Variants in CRAMP1 observed in about 807,000 individuals in gnomAD.
CRAMP1 encodes cramped chromatin regulator 1, also known as protein cramped-like.
A neutral mutation model predicts 115.4 loss-of-function variants in CRAMP1; 50 were observed. The ratio of observed to expected loss-of-function variants is 0.43; its 90% CI spans 0.35 to 0.55. CRAMP1 has a LOEUF of 0.55. CRAMP1 is among the 20% of genes least tolerant of loss of function. CRAMP1 has a pLI of 0.01. For missense variants in CRAMP1, 1,679 were observed against 1,721.7 expected (o/e 0.98, Z 0.44); for synonymous variants, 866 against 745.4 (o/e 1.16, Z -2.64).
In CRAMP1 at chr16:1,666,234, G is replaced by C; in HGVS notation, c.2857+57G>C. 5 of 1,332,860 alleles carry C rather than the reference G, an allele frequency of 3.8e-6. No homozygotes were observed. The highest frequency in any genetic ancestry group is 5.3e-6 in the Non-Finnish European group (5 of 945,346). 82.6% of individuals were successfully genotyped at this position (1,332,860 alleles called of 1,614,324 possible). A position where few individuals can be genotyped will look rare whatever the true frequency, so the allele number is the denominator to read the frequency against. Reference sequence around the variant, plus strand: ...GAGTGAGCCTCTGAGGGATGTTTTTGTGACCAGGTTTTTTGAATGTTTTCT... The same window carrying C: ...GAGTGAGCCTCTGAGGGATGTTTTTCTGACCAGGTTTTTTGAATGTTTTCT... On this transcript the variant is annotated intron_variant, in intron 15 of 20. Transcript: ENST00000397412. The surrounding 1 kb of genome is among the most constrained non-coding windows in gnomAD (Gnocchi z 5.0).
intron 4 of CRAMP1, among the ~76,000 whole-genome samples, chr16:1,632,813 G>A (rs148943318): frequency 5.3e-5 from 8 of 152,354 alleles, no homozygotes; most frequent in African/African-American, 1.2e-4. Context: ...CCAGGTCTGC[G>A]TCGGCCCTCG....
rs535390128 is a variant in CRAMP1 at position 1,624,670 on chromosome 16, C to A, written c.347-1303C>A. 7.9e-5 allele frequency among the ~76,000 whole-genome samples: 12 copies of A among 152,284 alleles called. No homozygotes were observed. In the East Asian group the frequency reaches 2.3e-3, roughly 29 times the overall value. ...CTCGGCTCACTGCAACCACTGCCTC[C>A]CAGGTTCAAACGATTCTCCTGCCTC... On this transcript the variant is annotated intron_variant, in intron 2 of 20. Transcript: ENST00000397412.
chr16:1,643,548 GAA>G (rs541292575), intron 6 of CRAMP1, among the ~76,000 whole-genome samples: 2 of 131,588 alleles, frequency 1.5e-5, no homozygotes, highest in African/African-American at 5.5e-5. Context: ...CTAGGGGAAA[GAA>G]AAAAAAAAAA....
chr16:1,661,550 G>A (rs2036829520), intron 11 of CRAMP1, among the ~76,000 whole-genome samples: 1 of 151,660 alleles, frequency 6.6e-6, no homozygotes, highest in South Asian at 2.1e-4. Flanking sequence ...AGGGGGTCGG[G>A]TGAGGGGTCC....
Position 1,670,779 on chromosome 16 carries a change from T to C in CRAMP1, c.3615T>C (p.Phe1205=). The change falls in exon 20 of 21, where the codon TTT becomes TTC. Residue 1205 remains phenylalanine, a synonymous_variant. Coordinates refer to ENST00000397412, the MANE Select transcript of CRAMP1 (RefSeq NM_020825.4). ...TGGATGGAAACTCGCGGGACTCATT[T>C]GTGTCCAGGTCCCTGGCTGACGTTG... ...SLLDGNSRDS[F]VSRSLADVAE... 6.2e-7 allele frequency: 1 copy of C among 1,614,034 alleles called. No homozygotes were observed. Among genetic ancestry groups the C allele is most frequent in the Non-Finnish European group, 8.5e-7 (1 of 1,179,890 alleles).
In CRAMP1 at chr16:1,673,985, C is replaced by T. The variant is rs748027778; in HGVS notation, c.3750C>T (p.Arg1250=). ...AGCTGTCCATCGCTGAGCCTGGCCG[C>T]CGAGAAGCTCTGTTTGATGGTGGTG... The part of the protein sequence containing the change: ...AQELSIAEPG[R]REALFDGGGG... The change falls in exon 21 of 21, where the codon CGC becomes CGT. Residue 1250 remains arginine, a synonymous_variant. Coordinates refer to ENST00000397412, the MANE Select transcript of CRAMP1 (RefSeq NM_020825.4). 5.8e-5 allele frequency: 93 copies of T among 1,612,804 alleles called. No individual in the cohort carries two copies. Among genetic ancestry groups the T allele is most frequent in the East Asian group, 4.5e-4 (20 of 44,894 alleles).
At chr16:1,640,823 C>T (rs533647949) in intron 5 of CRAMP1, among the ~76,000 whole-genome samples, 2 of 151,916 alleles carry the variant, frequency 1.3e-5, no homozygotes, top group East Asian at 1.9e-4. Context: ...AGTGGAAGGC[C>T]GGCGCTGGGG....
At position 1,656,914 on chromosome 16, in the gene CRAMP1, C is replaced by G; in HGVS notation, c.2157C>G (p.Ser719=). Residue 719 remains serine (S), a synonymous_variant, in exon 10 of 21, where the codon TCC becomes TCG. Coordinates refer to ENST00000397412, the MANE Select transcript of CRAMP1 (RefSeq NM_020825.4). This position sits in a 1 kb window ranked among gnomAD's most constrained non-coding sequence, Gnocchi z 5.6. ...GPGRQDPRPG[S]LPTALHKQRL... ...GCCGCCAGGACCCCCGCCCCGGCTC[C>G]CTACCCACCGCCCTCCACAAGCAGC... The G allele has an allele frequency of 6.4e-7, 1 of 1,556,386 alleles. No homozygotes were observed. The highest frequency in any genetic ancestry group is 2.4e-5 in the East Asian group (1 of 41,202).
chr16:1,633,462 G>C (rs138459242), intron 4 of CRAMP1, among the ~76,000 whole-genome samples: 2 of 152,380 alleles, frequency 1.3e-5, no homozygotes, highest in East Asian at 3.9e-4. Context: ...GTCTGCCGCC[G>C]ATGCGGTTTT....
In CRAMP1 at chr16:1,653,099, C is replaced by A; in HGVS notation, c.980C>A (p.Pro327Gln). The change falls in exon 8 of 21, where the codon CCG becomes CAG. Residue 327 changes from proline (P) to glutamine (Q), a missense_variant. Pro to Gln is a moderately conservative substitution (Grantham distance 76, BLOSUM62 -1). This residue lies in a region of CRAMP1 where 191 missense variants were observed against 236.2 expected (regional missense o/e 0.81). Coordinates refer to ENST00000397412, the MANE Select transcript of CRAMP1 (RefSeq NM_020825.4). ...LPLKVPIELQ[P>Q]RNNHAWARVQ... ...CTGAAAGTCCCTATAGAGCTACAGCCGCGGAACAACCACGCCTGGGCCCGT... is the reference window on the plus strand; with the variant it reads ...CTGAAAGTCCCTATAGAGCTACAGCAGCGGAACAACCACGCCTGGGCCCGT... 1 of 1,612,566 alleles carries A rather than the reference C, an allele frequency of 6.2e-7. No individual in the cohort carries two copies. The highest frequency in any genetic ancestry group is 2.2e-5 in the East Asian group (1 of 44,862).
Position 1,667,403 on chromosome 16 carries a change from A to G in CRAMP1, c.3102+3A>G. 1 of 1,611,730 alleles carries G rather than the reference A, an allele frequency of 6.2e-7. No individual in the cohort carries two copies. Among genetic ancestry groups the G allele is most frequent in the Non-Finnish European group, 8.5e-7 (1 of 1,179,168 alleles). ...AGCCAGTGGCAGACAGTTTCCAGGT[A>G]GAGTGTGCTCTTGGGCTGCTGAGCA... On this transcript the variant is annotated splice_donor_region_variant and intron_variant, in intron 17 of 20. Coordinates refer to ENST00000397412, the MANE Select transcript of CRAMP1 (RefSeq NM_020825.4).
chr16:1,664,147 C>G (rs1296528734), intron 13 of CRAMP1, among the ~76,000 whole-genome samples: 4 of 152,214 alleles, frequency 2.6e-5, no homozygotes, highest in Non-Finnish European at 1.5e-5. Context: ...GCGGAAGCGC[C>G]TCAGACACTT....
chr16:1,660,016 T>C lies in CRAMP1; in HGVS notation c.2366T>C (p.Leu789Pro), dbSNP rs1433219826. 3.7e-6 allele frequency: 6 copies of C among 1,601,840 alleles called. No individual in the cohort carries two copies. In the East Asian group the frequency reaches 8.9e-5, roughly 24 times the overall value. The change falls in exon 11 of 21, where the codon CTC (leucine) becomes CCC (proline). Residue 789 changes from leucine (L) to proline (P), a missense_variant. Leu to Pro is a moderately conservative substitution (Grantham distance 98). This residue lies in a region of CRAMP1 where 709 missense variants were observed against 741.9 expected (regional missense o/e 0.96). Coordinates refer to ENST00000397412, the MANE Select transcript of CRAMP1 (RefSeq NM_020825.4). ...SPRCPRNQASLRSSKTFPPSS... is the reference protein window; with the variant it reads ...SPRCPRNQASPRSSKTFPPSS... ...CGCTGCCCTCGGAACCAGGCCTCCCTCCGCAGCAGCAAGACCTTCCCGCCC... is the reference window on the plus strand; with the variant it reads ...CGCTGCCCTCGGAACCAGGCCTCCCCCCGCAGCAGCAAGACCTTCCCGCCC...
In CRAMP1 at chr16:1,666,279, CATT is replaced by C; in HGVS notation, c.2857+104_2857+106del. 1 of 1,164,440 alleles carries C rather than the reference CATT, an allele frequency of 8.6e-7. No homozygotes were observed. Among genetic ancestry groups the C allele is most frequent in the South Asian group, 1.4e-5 (1 of 73,736 alleles). 72.1% of individuals were successfully genotyped at this position (1,164,440 alleles called of 1,614,324 possible). A position where few individuals can be genotyped will look rare whatever the true frequency, so the allele number is the denominator to read the frequency against. ...TTTTCTTCTCCAAATCATAATGTCT[CATT>C]ACCCTTCACCAAGAACATCTAAGCC... is the stretch of plus-strand genomic sequence containing the variant. On this transcript the variant is annotated intron_variant, in intron 15 of 20. Coordinates refer to ENST00000397412, the MANE Select transcript of CRAMP1 (RefSeq NM_020825.4). This position sits in a 1 kb window ranked among gnomAD's most constrained non-coding sequence, Gnocchi z 5.0.
At position 1,652,723 on chromosome 16, in the gene CRAMP1, C is replaced by G. The variant is rs530295493; in HGVS notation, c.913+142C>G. On this transcript the variant is annotated intron_variant, in intron 7 of 20. Coordinates refer to ENST00000397412, the MANE Select transcript of CRAMP1 (RefSeq NM_020825.4). ...ATCCCAGGGCTGCACATGGACCACT[C>G]TTGAACTTGAAATGCTCCCTACGAC... The G allele has an allele frequency of 1.2e-4, 90 of 760,342 alleles. No individual in the cohort carries two copies. In the African/African-American group the frequency reaches 1.4e-3, roughly 12 times the overall value. 47.1% of individuals were successfully genotyped at this position (760,342 alleles called of 1,614,324 possible). A position where few individuals can be genotyped will look rare whatever the true frequency, so the allele number is the denominator to read the frequency against.
At chr16:1,622,417 T>C (rs771965687) in intron 2 of CRAMP1, among the ~76,000 whole-genome samples, 1 of 152,106 alleles carries the variant, frequency 6.6e-6, no homozygotes, top group Non-Finnish European at 1.5e-5. Flanking sequence ...AGAGGCTGGG[T>C]GCCGGAATTG....
At chr16:1,615,082 C>G (rs1051893277) in intron 2 of CRAMP1, 97 bp downstream of exon 2, 2 of 699,688 alleles carry the variant, frequency 2.9e-6, no homozygotes, top group Non-Finnish European at 4.0e-6. Context: ...CACCCTAGCT[C>G]ACCCATCCCG....
At chr16:1,621,551 C>G (rs1210718950) in intron 2 of CRAMP1, among the ~76,000 whole-genome samples, 2 of 152,152 alleles carry the variant, frequency 1.3e-5, no homozygotes, top group Non-Finnish European at 2.9e-5. Context: ...TTGGGAGGAC[C>G]TGGGTCCCAG....
rs1351362109 is a variant in CRAMP1, at chr16:1,614,100, C to T, written c.-1-539C>T. 1.4e-5 allele frequency among the ~76,000 whole-genome samples: 2 copies of T among 141,826 alleles called. No homozygotes were observed. The highest frequency in any genetic ancestry group is 5.1e-5 in the African/African-American group (2 of 39,254). 93.0% of individuals were successfully genotyped at this position (141,826 alleles called of 152,430 possible). ...GGGGCAGGTGCGCGGGGCCCGGGAG[C>T]CCCGCGCCTTTCGGGGGGCGGGGAG... On this transcript the variant is annotated intron_variant, in intron 1 of 20. Transcript: ENST00000397412. The surrounding 1 kb of genome is among the most constrained non-coding windows in gnomAD (Gnocchi z 4.4).
Sources: gnomAD v4.1 joint callset for allele counts (sites outside exome capture counted in the v4.1 genomes callset) on GRCh38, gnomAD v4.1.1 for gene constraint, gnomAD v4.1.1 regional missense constraint, Gnocchi (gnomAD v3.1) non-coding constraint, MANE v1.5 for transcripts, NCBI Gene and HGNC (gene_info 2026-07-23, HGNC 2026-07-21) for gene names.